The following HDAC9 variants were observed in gnomAD, a reference collection of about 807,000 sequenced individuals.
The protein encoded by HDAC9 is histone deacetylase 9.
HDAC9 carries 41 observed loss-of-function variants against 139.4 expected under a neutral mutation model. The observed-to-expected ratio is 0.29, with a 90% CI of 0.23 to 0.38. The LOEUF is 0.38. Among genes scored for constraint, HDAC9 ranks in the 10% least tolerant of loss-of-function variants. The probability of loss-of-function intolerance (pLI) is 1.00; values close to 1 mark genes in which losing one functional copy is unlikely to be tolerated. For synonymous variants in HDAC9, 517 were observed against 476.2 expected, an observed-to-expected ratio of 1.09 and a Z score of -1.12; for missense variants, 1,147 against 1,297.0, an observed-to-expected ratio of 0.88 and a Z score of 1.78.
At chr7:18,131,074 A>G (rs1172325506) in intron 1 of HDAC9, among the ~76,000 whole-genome samples, 3 of 152,114 alleles carry the variant, frequency 2.0e-5, no homozygotes, top group Non-Finnish European at 4.4e-5. Context: ...TCTTTCACCT[A>G]AAAGAATTAG....
chr7:18,550,733 C>A (rs1232026201), intron 2 of HDAC9, among the ~76,000 whole-genome samples: 1 of 152,046 alleles, frequency 6.6e-6, no homozygotes, highest in Non-Finnish European at 1.5e-5. Context: ...TGTGAGATGC[C>A]TGGAATGTTT....
intron 19 of HDAC9, among the ~76,000 whole-genome samples, chr7:18,834,828 C>T (rs763840102): frequency 1.3e-5 from 2 of 152,158 alleles, no homozygotes; most frequent in African/African-American, 2.4e-5. Context: ...CTGAACTGAA[C>T]GCTTCAAGAA....
In HDAC9 at chr7:18,962,870, A is replaced by C. The variant is rs1337542221; in HGVS notation, c.3022+8640A>C. On this transcript the variant is annotated intron_variant, in intron 24 of 25. Coordinates refer to ENST00000686413, the MANE Select transcript of HDAC9 (RefSeq NM_178425.4). ...GTTCATGAATAACTTGAGACTTATC[A>C]AGTTTAGGTAGCTTGTTCAAGTTCC... is the stretch of plus-strand genomic sequence containing the variant. Among the ~76,000 whole-genome samples the C allele has an allele frequency of 2.0e-5, 3 of 152,174 alleles. 1 individual carries two copies. In the East Asian group the frequency reaches 5.8e-4, roughly 29 times the overall value.
intron 12 of HDAC9, among the ~76,000 whole-genome samples, chr7:18,670,796 A>T (rs1347882279): frequency 1.3e-5 from 2 of 151,366 alleles, no homozygotes; most frequent in Non-Finnish European, 2.9e-5. Context: ...ATTAGCATTT[A>T]CCAAACTGTC....
chr7:18,395,549 A>C (rs200159138), intron 1 of HDAC9, among the ~76,000 whole-genome samples: 64 of 151,824 alleles, frequency 4.2e-4, no homozygotes, highest in African/African-American at 1.5e-3. Flanking sequence ...AAAAAAAAAA[A>C]AAACTAGATA....
intron 1 of HDAC9, among the ~76,000 whole-genome samples, chr7:18,415,026 T>C (rs1049999459): frequency 6.6e-6 from 1 of 152,220 alleles, no homozygotes; most frequent in African/African-American, 2.4e-5. Flanking sequence ...CTTCTTCTCA[T>C]TGTGTTCCCA....
rs146940108 is a variant in HDAC9, at chr7:18,512,510, A to T, written c.22+16186A>T. ...AGATTTGAGCGATGCTATGCTCAGG[A>T]ATAGGAAGACTACATCTTTAAAAAG... On this transcript the variant is annotated intron_variant, in intron 2 of 25. Coordinates refer to ENST00000686413, the MANE Select transcript of HDAC9 (RefSeq NM_178425.4). Among the ~76,000 whole-genome samples, 727 of 152,314 alleles carry T rather than the reference A, an allele frequency of 4.8e-3. 6 individuals are homozygous for T. Among genetic ancestry groups the T allele is most frequent in the African/African-American group, 0.016 (656 of 41,572 alleles).
intron 1 of HDAC9, among the ~76,000 whole-genome samples, chr7:18,145,629 C>T (rs1786258234): frequency 6.6e-6 from 1 of 152,138 alleles, no homozygotes; most frequent in South Asian, 2.1e-4. Flanking sequence ...CTGGAACACT[C>T]CAGAAGACTG....
At chr7:18,758,448 G>A (rs943576534) in intron 14 of HDAC9, among the ~76,000 whole-genome samples, 1 of 152,022 alleles carries the variant, frequency 6.6e-6, no homozygotes, top group East Asian at 1.9e-4. Flanking sequence ...AAGAATAAAG[G>A]GTGCGCAGAA....
chr7:18,330,505 T>G, intron 1 of HDAC9, among the ~76,000 whole-genome samples: 1 of 151,556 alleles, frequency 6.6e-6, no homozygotes, highest in Non-Finnish European at 1.5e-5. Context: ...GAAAAGATAT[T>G]AACTTCAGAA....
In HDAC9 at chr7:18,581,448, G is replaced by A. The variant is rs570989532; in HGVS notation, c.23-3833G>A. ...TTAAGAAGTCAAATTACCCTTTGAGGTTTACAATAACTGTTTCAGAGACTT... is the reference window on the plus strand; with the variant it reads ...TTAAGAAGTCAAATTACCCTTTGAGATTTACAATAACTGTTTCAGAGACTT... On this transcript the variant is annotated intron_variant, in intron 2 of 25. Coordinates refer to ENST00000686413, the MANE Select transcript of HDAC9 (RefSeq NM_178425.4). Among the ~76,000 whole-genome samples the A allele has an allele frequency of 2.0e-5, 3 of 152,144 alleles. No individual in the cohort carries two copies. In the East Asian group the frequency reaches 5.8e-4, roughly 29 times the overall value.
intron 23 of HDAC9, among the ~76,000 whole-genome samples, chr7:18,948,677 A>C (rs1782575322): frequency 6.6e-6 from 1 of 152,130 alleles, no homozygotes; most frequent in Admixed American, 6.6e-5. Flanking sequence ...ATCCTATCAT[A>C]ACATTCCATA....
chr7:18,108,948 C>T (rs568037588), intron 1 of HDAC9, among the ~76,000 whole-genome samples: 29 of 152,234 alleles, frequency 1.9e-4, no homozygotes, highest in Non-Finnish European at 3.5e-4. Context: ...AATATGTTAG[C>T]CAGTCAAAAG....
At chr7:18,528,743 A>T (rs760755107) in intron 2 of HDAC9, among the ~76,000 whole-genome samples, 10 of 152,192 alleles carry the variant, frequency 6.6e-5, no homozygotes, top group Non-Finnish European at 8.8e-5. Context: ...GGAGACAGGA[A>T]TCGATGAGCA....
At chr7:18,086,860 G>C (rs1781817086), upstream of HDAC9, 1 of 147,852 alleles carries the variant, frequency 6.8e-6, no homozygotes, top group Admixed American at 6.7e-5. Flanking sequence ...CGCTCAGCTC[G>C]CAGCTCGCAG....
chr7:18,117,817 G>A (rs2128089796), intron 1 of HDAC9, among the ~76,000 whole-genome samples: 1 of 152,302 alleles, frequency 6.6e-6, no homozygotes, highest in Admixed American at 6.5e-5. Context: ...TGTTACGGCA[G>A]CCCTAGGAAA....
chr7:18,172,953 GCTGTCTATTAGGT>G (rs1258536784), intron 2 of HDAC9, among the ~76,000 whole-genome samples: 1 of 152,170 alleles, frequency 6.6e-6, no homozygotes, highest in Non-Finnish European at 1.5e-5. Flanking sequence ...GAGTTCTCTA[GCTGTCTATTAGGT>G]CTGCTTGGTG....
At chr7:18,852,272 T>C (rs1375716562) in intron 21 of HDAC9, among the ~76,000 whole-genome samples, 4 of 152,288 alleles carry the variant, frequency 2.6e-5, no homozygotes, top group African/African-American at 7.2e-5. Context: ...AAGCCTGATA[T>C]ATTGACCATG....
At chr7:18,772,497 G>T (rs1392518477) in intron 16 of HDAC9, among the ~76,000 whole-genome samples, 1 of 152,018 alleles carries the variant, frequency 6.6e-6, no homozygotes, top group Admixed American at 6.6e-5. Context: ...GGTAGCATCT[G>T]CTTCTCACAT....
Sources: gnomAD v4.1 joint callset for allele counts (sites outside exome capture counted in the v4.1 genomes callset) on GRCh38, gnomAD v4.1.1 for gene constraint, MANE v1.5 for transcripts, NCBI Gene and HGNC (gene_info 2026-07-23, HGNC 2026-07-21) for gene names.